Variants in MCCC2 observed in about 807,000 individuals in gnomAD.
MCCC2 encodes the protein methylcrotonoyl-CoA carboxylase beta chain, mitochondrial.
MCCC2 carries 52 observed loss-of-function variants against 77.2 expected under a neutral mutation model. The ratio of observed to expected loss-of-function variants is 0.67; its 90% confidence interval spans 0.54 to 0.85. The LOEUF is 0.85. MCCC2 is among the 40% of genes least tolerant of loss of function. MCCC2 has a pLI of 0.00. For missense variants in MCCC2, 682 were observed against 703.2 expected, an observed-to-expected ratio of 0.97 and a Z score of 0.34; for synonymous variants, 253 against 248.4, an observed-to-expected ratio of 1.02 and a Z score of -0.18.
At chr5:71,594,492 C>T (rs1207915355) in intron 2 of MCCC2, among the ~76,000 whole-genome samples, 3 of 148,244 alleles carry the variant, frequency 2.0e-5, no homozygotes, top group African/African-American at 5.0e-5. Flanking sequence ...GGTGCCATTG[C>T]ACTCTAGCCT....
intron 8 of MCCC2, among the ~76,000 whole-genome samples, chr5:71,633,112 TATATATA>T (rs1355051536): frequency 6.4e-5 from 2 of 31,312 alleles, no homozygotes; most frequent in Non-Finnish European, 1.6e-4. Flanking sequence ...TATATATATA[TATATATA>T]TATATATATA....
At chr5:71,654,716 A>G (rs752960786) in intron 16 of MCCC2, among the ~76,000 whole-genome samples, 2 of 152,128 alleles carry the variant, frequency 1.3e-5, no homozygotes, top group Non-Finnish European at 2.9e-5. Flanking sequence ...TATTATTTTC[A>G]TACTAACATT....
intron 13 of MCCC2, among the ~76,000 whole-genome samples, chr5:71,646,662 C>T: frequency 6.6e-6 from 1 of 152,130 alleles, no homozygotes; most frequent in East Asian, 1.9e-4. Context: ...CACGAGCCAC[C>T]ACACCTTGCT....
rs1266022580 is a variant in MCCC2 at position 71,652,701 on chromosome 5, G to T, written c.1521G>T (p.Glu507Asp). Residue 507 changes from glutamate to aspartate, a missense_variant, in exon 16 of 17, where the codon GAG (glutamate) becomes GAT (aspartate). Transcript: ENST00000340941. The stretch of plus-strand genomic sequence containing the variant: ...GTGCTGATGAAGCGGCTTTAAAAGA[G>T]CCCATCATTAAGAAGTTTGAAGAGG... The part of the protein sequence containing the change: ...FSSADEAALK[E>D]PIIKKFEEEG... The T allele has an allele frequency of 6.2e-7, 1 of 1,614,002 alleles. No individual in the cohort carries two copies. Among genetic ancestry groups the T allele is most frequent in the Admixed American group, 1.7e-5 (1 of 59,990 alleles).
rs1745582902 is a variant in MCCC2 at position 71,604,403 on chromosome 5, G to C, written c.559G>C (p.Asp187His). Residue 187 changes from aspartate to histidine, a missense_variant, in exon 6 of 17, where the codon GAT becomes CAT. Asp to His is a moderately conservative substitution (Grantham distance 81, BLOSUM62 -1). Coordinates refer to ENST00000340941, the MANE Select transcript of MCCC2 (RefSeq NM_022132.5). ...ACCTCGACAAGCAGATGTGTTTCCA[G>C]ATCGAGACCACTTTGGCCGTACATT... ...YLPRQADVFP[D>H]RDHFGRTFYN... 1 of 1,614,146 alleles carries C rather than the reference G, an allele frequency of 6.2e-7. No homozygotes were observed.
At position 71,604,362 on chromosome 5, in the gene MCCC2, C is replaced by A; in HGVS notation, c.518C>A (p.Ser173Ter). The A allele has an allele frequency of 1.9e-6, 3 of 1,613,752 alleles. No homozygotes were observed. The highest frequency in any genetic ancestry group is 1.6e-4 in the Middle Eastern group (1 of 6,062). ...TCTCATTTCTTGTCTTCAGTTGATT[C>A]GGGAGGAGCATACTTACCTCGACAA... ...NRLPCIYLVD[S>*]GGAYLPRQAD... is the part of the protein sequence containing the mutation. Residue 173 changes from serine to a stop codon, truncating the protein, a stop_gained, in exon 6 of 17, where the codon TCG becomes TAG. Transcript: ENST00000340941. LOFTEE classifies it high-confidence loss of function.
chr5:71,610,949 G>T (rs1304995590), intron 6 of MCCC2, among the ~76,000 whole-genome samples: 1 of 152,218 alleles, frequency 6.6e-6, no homozygotes, highest in Non-Finnish European at 1.5e-5. Flanking sequence ...TCATGCCACT[G>T]CACTCCAGCC....
At chr5:71,635,274 A>G in intron 10 of MCCC2, 28 bp downstream of exon 10, 1 of 1,589,984 alleles carries the variant, frequency 6.3e-7, no homozygotes, top group South Asian at 1.1e-5. Flanking sequence ...TGTGAGCTTT[A>G]TGACCAGCTG....
At chr5:71,611,425 T>G (rs1745940067) in intron 6 of MCCC2, among the ~76,000 whole-genome samples, 1 of 152,064 alleles carries the variant, frequency 6.6e-6, no homozygotes, top group African/African-American at 2.4e-5. Flanking sequence ...AAAAGAAAAG[T>G]TCATTATAGC....
chr5:71,602,725 T>G, intron 5 of MCCC2, 92 bp downstream of exon 5: 1 of 1,558,738 alleles, frequency 6.4e-7, no homozygotes, highest in Non-Finnish European at 8.8e-7. Context: ...GGGATGGGTA[T>G]TTTATAAACC....
chr5:71,633,123 A>T (rs55789558), intron 8 of MCCC2, among the ~76,000 whole-genome samples: 1,302 of 31,664 alleles, frequency 0.041, 78 homozygotes, highest in Middle Eastern at 0.068. Flanking sequence ...ATATATATAT[A>T]TATATATATT....
intron 1 of MCCC2, among the ~76,000 whole-genome samples, chr5:71,590,899 A>G (rs774566000): frequency 9.9e-5 from 15 of 151,958 alleles, no homozygotes; most frequent in East Asian, 1.9e-4. Flanking sequence ...CATGTAGTCT[A>G]TCTTGGAGAA....
chr5:71,652,700 A>G lies in MCCC2; in HGVS notation c.1520A>G (p.Glu507Gly). The change falls in exon 16 of 17, where the codon GAG (glutamate) becomes GGG (glycine). Residue 507 changes from glutamate (E) to glycine (G), a missense_variant. Transcript: ENST00000340941. ...AGTGCTGATGAAGCGGCTTTAAAAG[A>G]GCCCATCATTAAGAAGTTTGAAGAG... ...FSSADEAALK[E>G]PIIKKFEEEG... 1 of 1,614,188 alleles carries G rather than the reference A, an allele frequency of 6.2e-7. No homozygotes were observed. Among genetic ancestry groups the G allele is most frequent in the South Asian group, 1.1e-5 (1 of 91,078 alleles).
At chr5:71,636,130 G>T in intron 10 of MCCC2, 1 of 417,522 alleles carries the variant, frequency 2.4e-6, no homozygotes, top group Non-Finnish European at 4.8e-6. Context: ...ATTTTCTACG[G>T]CTAGATCTTA....
chr5:71,644,032 C>CGT lies in MCCC2; in HGVS notation c.1149+137_1149+138insGT, dbSNP rs746221732. The stretch of plus-strand genomic sequence containing the variant: ...GCAACCAGAACACTGTGTGCGCGGG[C>CGT]ATGTGTGTGTGTGTGTGTGTGTGTG... On this transcript the variant is annotated intron_variant, in intron 12 of 16. Coordinates refer to ENST00000340941, the MANE Select transcript of MCCC2 (RefSeq NM_022132.5). 3,645 of 537,224 alleles carry CGT rather than the reference C, an allele frequency of 6.8e-3. 45 individuals carry two copies. The highest frequency in any genetic ancestry group is 8.5e-3 in the Non-Finnish European group (2,831 of 332,000). The allele number at this position is 537,224 out of a possible 1,614,324, so 33.3% of individuals were successfully genotyped here.
At chr5:71,604,571 C>A in intron 6 of MCCC2, 103 bp downstream of exon 6, 6 of 824,376 alleles carry the variant, frequency 7.3e-6, no homozygotes, top group South Asian at 1.5e-5. Context: ...GAATTTAACA[C>A]AAAATCTAAT....
chr5:71,621,634 CATTA>C (rs1246170600), intron 6 of MCCC2, among the ~76,000 whole-genome samples: 2 of 152,058 alleles, frequency 1.3e-5, no homozygotes, highest in East Asian at 3.9e-4. Context: ...AGTGACTAAT[CATTA>C]ATTAGTGAGC....
chr5:71,603,590 C>T (rs1355719941), intron 5 of MCCC2, among the ~76,000 whole-genome samples: 1 of 152,080 alleles, frequency 6.6e-6, no homozygotes, highest in Non-Finnish European at 1.5e-5. Flanking sequence ...ACAATACGAA[C>T]TGCTCTGCAC....
At chr5:71,598,776 G>C (rs948765728) in intron 3 of MCCC2, among the ~76,000 whole-genome samples, 2 of 151,768 alleles carry the variant, frequency 1.3e-5, no homozygotes, top group African/African-American at 4.8e-5. Flanking sequence ...TTTTGAGACA[G>C]GGTCTCATTC....
Sources: allele counts gnomAD v4.1 joint callset (sites outside exome capture counted in the v4.1 genomes callset), GRCh38; gene constraint gnomAD v4.1.1; transcripts MANE v1.5; gene names NCBI Gene and HGNC (gene_info 2026-07-23, HGNC 2026-07-21).